The following CHST11 variants were observed in gnomAD, a reference collection of about 807,000 sequenced individuals.
The protein encoded by CHST11 is carbohydrate sulfotransferase 11, also known as C4S-1.
Under a neutral mutation model 30.4 loss-of-function variants are expected in CHST11, and 9 were observed. The observed-to-expected ratio is 0.30, with a 90% CI of 0.18 to 0.52. CHST11 has a LOEUF of 0.52. Ranked by LOEUF, CHST11 falls within the 20% of genes least tolerant of loss-of-function variation. The pLI is 0.97. For synonymous variants in CHST11, 152 were observed against 187.8 expected (o/e 0.81, Z 1.56); for missense variants, 348 against 460.6 (o/e 0.76, Z 2.24).
intron 2 of CHST11, among the ~76,000 whole-genome samples, chr12:104,650,584 G>T (rs1257191206): frequency 1.3e-5 from 2 of 152,114 alleles, no homozygotes; most frequent in African/African-American, 4.8e-5. Context: ...CAGTGCGAGG[G>T]GGAGTGGGAC....
chr12:104,631,307 T>G (rs1050921431), intron 2 of CHST11, among the ~76,000 whole-genome samples: 1 of 152,212 alleles, frequency 6.6e-6, no homozygotes, highest in Non-Finnish European at 1.5e-5. Context: ...GACCTCATAG[T>G]TTGCATCTGA....
At chr12:104,591,312 C>T (rs1235875559) in intron 1 of CHST11, among the ~76,000 whole-genome samples, 6 of 151,932 alleles carry the variant, frequency 3.9e-5, no homozygotes, top group African/African-American at 9.7e-5. Flanking sequence ...TTATTCTGGC[C>T]GCTGGTAGAG....
Position 104,757,202 on chromosome 12 carries a change from A to G in CHST11, c.458A>G (p.Asn153Ser). Residue 153 changes from asparagine (N) to serine (S), a missense_variant, in exon 3 of 3, where the codon AAC becomes AGC. Asn to Ser is a conservative substitution (Grantham distance 46, BLOSUM62 1). Around this residue, in one of 3 missense-constraint regions of CHST11, gnomAD observed 210 missense variants for 287.2 expected, o/e 0.73. Transcript: ENST00000303694. This position sits in a 1 kb window ranked among gnomAD's most constrained non-coding sequence, Gnocchi z 6.5. ...AGCGACCCCATGGAGATCCCGGCCA[A>G]CGAGGCACACGTCTCCGCCAACCTG... ...KYSDPMEIPA[N>S]EAHVSANLKT... The G allele has an allele frequency of 2.5e-6, 4 of 1,614,132 alleles. No homozygotes were observed. Among genetic ancestry groups the G allele is most frequent in the East Asian group, 2.2e-5 (1 of 44,868 alleles).
rs1174251188 is a variant in CHST11 at position 104,588,498 on chromosome 12, T to A, written c.119-13408T>A. Among the ~76,000 whole-genome samples, 6 of 152,330 alleles carry A rather than the reference T, an allele frequency of 3.9e-5. No individual in the cohort carries two copies. The East Asian group carries it at 1.2e-3, about 29-fold the overall frequency. On this transcript the variant is annotated intron_variant, in intron 1 of 2. Coordinates refer to ENST00000303694, the MANE Select transcript of CHST11 (RefSeq NM_018413.6). ...GTTCCTGCAGCCTATGACCCAGACT[T>A]GAGTCACAGACTGGCTCATTCCAAT...
At chr12:104,713,323 G>T (rs534433084) in intron 2 of CHST11, among the ~76,000 whole-genome samples, 1 of 152,196 alleles carries the variant, frequency 6.6e-6, no homozygotes, top group East Asian at 1.9e-4. Flanking sequence ...TAGCCAAAGT[G>T]AGACAGTGGA....
chr12:104,583,578 A>T (rs1471647842), intron 1 of CHST11, among the ~76,000 whole-genome samples: 1 of 152,148 alleles, frequency 6.6e-6, no homozygotes, highest in South Asian at 2.1e-4. Context: ...TTTCAGATCG[A>T]TTCTGACACC....
intron 1 of CHST11, among the ~76,000 whole-genome samples, chr12:104,591,358 C>G (rs982931489): frequency 2.6e-5 from 4 of 151,950 alleles, no homozygotes; most frequent in African/African-American, 7.3e-5. Flanking sequence ...AGCAGGGATA[C>G]CAGTTAAGAG....
chr12:104,674,852 T>C (rs703668), intron 2 of CHST11, among the ~76,000 whole-genome samples: 38,382 of 152,004 alleles, frequency 0.25, 6,941 homozygotes, highest in African/African-American at 0.51. Flanking sequence ...ACCCAGATAC[T>C]GTGTAACCTG....
intron 1 of CHST11, among the ~76,000 whole-genome samples, chr12:104,521,139 G>A (rs2038070329): frequency 6.6e-6 from 1 of 152,194 alleles, no homozygotes. Flanking sequence ...ATGACTTGGA[G>A]ATCCAAAGGA....
chr12:104,491,661 A>G (rs1328536936), intron 1 of CHST11, among the ~76,000 whole-genome samples: 1 of 151,976 alleles, frequency 6.6e-6, no homozygotes, highest in Non-Finnish European at 1.5e-5. Flanking sequence ...TTTTTTCAAT[A>G]GAGACAGTGT....
intron 1 of CHST11, among the ~76,000 whole-genome samples, chr12:104,482,379 A>C (rs1366348403): frequency 6.6e-6 from 1 of 151,686 alleles, no homozygotes; most frequent in African/African-American, 2.4e-5. Context: ...GGCCATGTCA[A>C]ATGGGCAGCT....
At chr12:104,510,195 C>G (rs1034714021) in intron 1 of CHST11, among the ~76,000 whole-genome samples, 13 of 152,324 alleles carry the variant, frequency 8.5e-5, no homozygotes, top group Admixed American at 3.3e-4. Context: ...CCTCACACAT[C>G]AGTGTTTATG....
At chr12:104,685,892 C>G (rs1280028424) in intron 2 of CHST11, among the ~76,000 whole-genome samples, 2 of 152,100 alleles carry the variant, frequency 1.3e-5, no homozygotes, top group Non-Finnish European at 2.9e-5. Context: ...ACTTCTCTGG[C>G]AGACTCTGGT....
At chr12:104,510,224 AT>A (rs934271966) in intron 1 of CHST11, among the ~76,000 whole-genome samples, 4 of 151,416 alleles carry the variant, frequency 2.6e-5, no homozygotes, top group African/African-American at 7.3e-5. Flanking sequence ...AGGCCAAAAC[AT>A]TTTTTTTTAC....
At chr12:104,562,773 C>G (rs10861232) in intron 1 of CHST11, among the ~76,000 whole-genome samples, 2 of 152,000 alleles carry the variant, frequency 1.3e-5, no homozygotes, top group Admixed American at 6.5e-5. Context: ...AGGGCTGAGT[C>G]TTTGGGGGCC....
intron 2 of CHST11, among the ~76,000 whole-genome samples, chr12:104,741,960 A>G (rs761005652): frequency 2.0e-5 from 3 of 152,160 alleles, no homozygotes; most frequent in Non-Finnish European, 2.9e-5. Context: ...AACATTGAGA[A>G]ATGCTGTCAG....
At chr12:104,637,451 C>T (rs2039336667) in intron 2 of CHST11, among the ~76,000 whole-genome samples, 5 of 151,624 alleles carry the variant, frequency 3.3e-5, no homozygotes, top group Admixed American at 3.3e-4. Flanking sequence ...CAAACCTGCA[C>T]GTTGTGCACA....
chr12:104,611,443 C>T (rs1291100132), intron 2 of CHST11, among the ~76,000 whole-genome samples: 1 of 152,218 alleles, frequency 6.6e-6, no homozygotes, highest in Non-Finnish European at 1.5e-5. Context: ...ACTAATCTCA[C>T]TCATTTAAAA....
At chr12:104,712,363 A>G (rs1466795273) in intron 2 of CHST11, among the ~76,000 whole-genome samples, 2 of 152,160 alleles carry the variant, frequency 1.3e-5, no homozygotes, top group Non-Finnish European at 2.9e-5. Context: ...GGGAACAGAT[A>G]GTCCATTTTG....
Sources: gnomAD v4.1 joint callset for allele counts (sites outside exome capture counted in the v4.1 genomes callset) on GRCh38, gnomAD v4.1.1 for gene constraint, gnomAD v4.1.1 regional missense constraint, Gnocchi (gnomAD v3.1) non-coding constraint, MANE v1.5 for transcripts, NCBI Gene and HGNC (gene_info 2026-07-23, HGNC 2026-07-21) for gene names.